JMJD1C: variants seen among roughly 807,000 people sequenced by gnomAD.
The protein encoded by JMJD1C is jumonji domain containing 1C, also known as jumonji domain-containing protein 1C.
In JMJD1C, 31 loss-of-function variants were observed where a neutral mutation model predicts 245.3. The observed-to-expected ratio is 0.13, with a 90% CI of 0.09 to 0.17. The LOEUF (loss-of-function observed/expected upper bound fraction) is 0.17, where lower values mean the gene tolerates loss of function less well. Among genes scored for constraint, JMJD1C ranks in the 10% least tolerant of loss-of-function variants. The pLI is 1.00. For synonymous variants in JMJD1C, 1,057 were observed against 1,017.4 expected (o/e 1.04, Z -0.74); for missense variants, 2,691 against 3,000.2 (o/e 0.90, Z 2.41).
At chr10:63,183,304 A>T in intron 22 of JMJD1C, 143 bp downstream of exon 22, 5 of 618,764 alleles carry the variant, frequency 8.1e-6, no homozygotes, top group Non-Finnish European at 1.4e-5. Flanking sequence ...ATCTTCAAGT[A>T]ATAAGGGCTA....
chr10:63,278,564 A>C (rs943483066), intron 2 of JMJD1C, among the ~76,000 whole-genome samples: 6 of 151,838 alleles, frequency 4.0e-5, no homozygotes, highest in African/African-American at 1.2e-4. Flanking sequence ...CAAACAAAAA[A>C]AAGAGTACTG....
intron 2 of JMJD1C, among the ~76,000 whole-genome samples, chr10:63,325,588 A>G (rs1320204510): frequency 6.6e-6 from 1 of 152,190 alleles, no homozygotes; most frequent in African/African-American, 2.4e-5. Context: ...GCCTAAAAAG[A>G]ACTTTCTTCT....
At chr10:63,427,224 G>A (rs986920395) in intron 1 of JMJD1C, 4 of 167,266 alleles carry the variant, frequency 2.4e-5, no homozygotes, top group East Asian at 1.6e-4. Flanking sequence ...GCCGAGCTCC[G>A]GTCCCCGCGT....
In JMJD1C at chr10:63,215,611, T is replaced by C; in HGVS notation, c.764A>G (p.Asn255Ser). ...DVVHSLLKGE[N>S]IGITSRRRSR... ...CCTGCGTCGTGATGTAATGCCAATATTTTCACCTTTTAACAAAGAGTGAAC... is the reference window on the plus strand; with the variant it reads ...CCTGCGTCGTGATGTAATGCCAATACTTTCACCTTTTAACAAAGAGTGAAC... Residue 255 changes from asparagine (N) to serine (S), a missense_variant, in exon 6 of 26, where the codon AAT (asparagine) becomes AGT (serine). Physicochemically the swap from Asn to Ser is conservative, Grantham distance 46. Around this residue, in one of 9 missense-constraint regions of JMJD1C, gnomAD observed 172 missense variants for 240.8 expected, o/e 0.71. Transcript: ENST00000399262. The C allele has an allele frequency of 6.2e-7, 1 of 1,611,604 alleles. No individual in the cohort carries two copies. The highest frequency in any genetic ancestry group is 8.5e-7 in the Non-Finnish European group (1 of 1,177,816).
chr10:63,222,504 TTGAC>T, intron 3 of JMJD1C: 1 of 1,201,246 alleles, frequency 8.3e-7, no homozygotes, highest in Non-Finnish European at 1.2e-6. Context: ...GGACTTGATT[TTGAC>T]TGACTGCACT....
chr10:63,172,438 T>C (rs1358926479), intron 24 of JMJD1C, among the ~76,000 whole-genome samples: 1 of 152,138 alleles, frequency 6.6e-6, no homozygotes, highest in East Asian at 1.9e-4. Context: ...AAAAACATGT[T>C]GTTACTGAGA....
intron 2 of JMJD1C, among the ~76,000 whole-genome samples, chr10:63,314,493 G>A (rs952439285): frequency 3.9e-5 from 6 of 152,190 alleles, no homozygotes; most frequent in African/African-American, 1.2e-4. Context: ...AAGGGAAGTC[G>A]AGGCTACAGC....
chr10:63,184,660 C>T lies in JMJD1C; in HGVS notation c.6909G>A (p.Leu2303=), dbSNP rs2132900386. ...GATCAGGACGTACAAAAAATCCTGG[C>T]AAATGAGAGGCCAAATTGAATTTTC... ...PEGKFNLASH[L]PGFFVRPDLG... Residue 2303 remains leucine (L), a synonymous_variant, in exon 21 of 26, where the codon TTG becomes TTA. Transcript: ENST00000399262. 6.2e-7 allele frequency: 1 copy of T among 1,613,858 alleles called. No homozygotes were observed. Among genetic ancestry groups the T allele is most frequent in the South Asian group, 1.1e-5 (1 of 91,036 alleles).
intron 1 of JMJD1C, among the ~76,000 whole-genome samples, chr10:63,450,554 C>G (rs764106070): frequency 1.3e-5 from 2 of 151,978 alleles, no homozygotes; most frequent in Non-Finnish European, 2.9e-5. Context: ...ACAATACATT[C>G]ACATAATGAA....
At chr10:63,217,441 T>TG in intron 4 of JMJD1C, 110 bp from the exon 5 acceptor site, 1 of 823,712 alleles carries the variant, frequency 1.2e-6, no homozygotes, top group Non-Finnish European at 1.8e-6. Context: ...TATCCAACTA[T>TG]CAGTTTTCAA....
At chr10:63,508,303 T>G (rs1375952149) in intron 1 of JMJD1C, among the ~76,000 whole-genome samples, 2 of 152,212 alleles carry the variant, frequency 1.3e-5, no homozygotes, top group Non-Finnish European at 2.9e-5. Context: ...TTTACAAGGG[T>G]CTGTGTCTGG....
intron 2 of JMJD1C, among the ~76,000 whole-genome samples, chr10:63,354,418 G>C (rs1292767852): frequency 6.6e-6 from 1 of 151,954 alleles, no homozygotes; most frequent in Non-Finnish European, 1.5e-5. Flanking sequence ...CTGTGTCTAA[G>C]TAGCTGAATT....
At chr10:63,240,216 G>A (rs1294720306) in intron 3 of JMJD1C, among the ~76,000 whole-genome samples, 3 of 152,048 alleles carry the variant, frequency 2.0e-5, no homozygotes, top group Non-Finnish European at 2.9e-5. Flanking sequence ...AATGTGACAC[G>A]GCTTAGGGTG....
chr10:63,188,912 T>C (rs984180746), intron 18 of JMJD1C, among the ~76,000 whole-genome samples: 1 of 152,206 alleles, frequency 6.6e-6, no homozygotes, highest in Non-Finnish European at 1.5e-5. Flanking sequence ...CGTTATTACA[T>C]GTCTGTTCTG....
At chr10:63,439,459 T>G (rs1951240122) in intron 1 of JMJD1C, among the ~76,000 whole-genome samples, 1 of 152,158 alleles carries the variant, frequency 6.6e-6, no homozygotes, top group African/African-American at 2.4e-5. Flanking sequence ...AACAATCTCT[T>G]AAAAATTTAT....
chr10:63,364,710 C>T (rs978704246), intron 2 of JMJD1C, among the ~76,000 whole-genome samples: 1 of 152,148 alleles, frequency 6.6e-6, no homozygotes, highest in African/African-American at 2.4e-5. Context: ...TGGTCTCGAA[C>T]TCTTGGACTC....
At chr10:63,521,118 AG>A (rs869247529) in intron 1 of JMJD1C, among the ~76,000 whole-genome samples, 1 of 80 alleles carries the variant, frequency 0.013, no homozygotes, top group Non-Finnish European at 0.042. Flanking sequence ...TCTCGCCGCG[AG>A]TGTGGGCGTC....
At chr10:63,266,094 T>C (rs1855541770) in intron 2 of JMJD1C, among the ~76,000 whole-genome samples, 1 of 152,076 alleles carries the variant, frequency 6.6e-6, no homozygotes, top group Non-Finnish European at 1.5e-5. Flanking sequence ...GCAAGTCTTA[T>C]TTCTATGCTA....
intron 2 of JMJD1C, among the ~76,000 whole-genome samples, chr10:63,287,148 G>A (rs1858078643): frequency 6.6e-6 from 1 of 152,118 alleles, no homozygotes; most frequent in Non-Finnish European, 1.5e-5. Context: ...CACGCCCACA[G>A]GTACATATTA....
Sources: allele counts gnomAD v4.1 joint callset (sites outside exome capture counted in the v4.1 genomes callset), GRCh38; gene constraint gnomAD v4.1.1; regional missense constraint gnomAD v4.1.1; transcripts MANE v1.5; gene names NCBI Gene and HGNC (gene_info 2026-07-23, HGNC 2026-07-21).